The following DCC variants were observed in gnomAD, a reference collection of about 807,000 sequenced individuals.
DCC encodes DCC netrin 1 receptor, also known as netrin receptor DCC.
DCC carries 58 observed loss-of-function variants against 172.5 expected under a neutral mutation model. The ratio of observed to expected loss-of-function variants is 0.34; its 90% CI spans 0.27 to 0.42. The LOEUF (loss-of-function observed/expected upper bound fraction) is 0.42. DCC is among the 10% of genes least tolerant of loss of function. The pLI is 1.00. For synonymous variants in DCC, 709 were observed against 644.5 expected (o/e 1.10, Z -1.52); for missense variants, 1,740 against 1,791.0 (o/e 0.97, Z 0.51).
intron 1 of DCC, among the ~76,000 whole-genome samples, chr18:52,451,244 G>A (rs192985962): frequency 1.3e-5 from 2 of 152,210 alleles, no homozygotes; most frequent in East Asian, 1.9e-4. Context: ...TATATGAGCC[G>A]TATTCTTATT....
intron 7 of DCC, among the ~76,000 whole-genome samples, chr18:53,154,605 G>T (rs1387323530): frequency 1.3e-5 from 2 of 152,204 alleles, no homozygotes; most frequent in Non-Finnish European, 2.9e-5. Flanking sequence ...GGTAATTCCA[G>T]TTAGAGAGTG....
rs184041546 is a variant in DCC at position 53,366,262 on chromosome 18, G to T, written c.2360-19781G>T. 3.0e-4 allele frequency among the ~76,000 whole-genome samples: 45 copies of T among 152,108 alleles called. No homozygotes were observed. In the East Asian group the frequency reaches 8.2e-3, roughly 28 times the overall value. The stretch of plus-strand genomic sequence containing the variant: ...AGTAGAGACGGGGTTTCACCAGGTT[G>T]GTCTAGAACCCCTGACCTCAGGTGA... On this transcript the variant is annotated intron_variant, in intron 15 of 28. Coordinates refer to ENST00000442544, the MANE Select transcript of DCC (RefSeq NM_005215.4).
At chr18:52,403,312 A>AGCAGAGAT (rs1191850515) in intron 1 of DCC, among the ~76,000 whole-genome samples, 1 of 152,020 alleles carries the variant, frequency 6.6e-6, no homozygotes, top group Non-Finnish European at 1.5e-5. Flanking sequence ...CTATAAGGGA[A>AGCAGAGAT]GCAGAGATAA....
At chr18:52,588,684 A>G (rs115020595) in intron 1 of DCC, among the ~76,000 whole-genome samples, 1,677 of 152,220 alleles carry the variant, frequency 0.011, 29 homozygotes, top group African/African-American at 0.038. Context: ...TTTGGGGGAG[A>G]AAAGATGCCC....
intron 15 of DCC, among the ~76,000 whole-genome samples, chr18:53,342,564 A>G (rs928389806): frequency 6.6e-6 from 1 of 151,212 alleles, no homozygotes; most frequent in Admixed American, 6.6e-5. Flanking sequence ...TTAAAAGAGC[A>G]TTATTGAGGT....
chr18:52,932,070 G>A (rs774527729), intron 5 of DCC: 16 of 152,086 alleles, frequency 1.1e-4, no homozygotes, highest in Non-Finnish European at 1.8e-4. Flanking sequence ...GAGTCCTAAA[G>A]AAGAAAATGT....
intron 2 of DCC, among the ~76,000 whole-genome samples, chr18:52,757,994 A>T (rs1033249422): frequency 6.6e-6 from 1 of 152,190 alleles, no homozygotes; most frequent in Non-Finnish European, 1.5e-5. Context: ...TTTTTAATCA[A>T]TGAAACTCTC....
At chr18:53,227,767 C>A (rs957522907) in intron 12 of DCC, among the ~76,000 whole-genome samples, 33 of 151,898 alleles carry the variant, frequency 2.2e-4, no homozygotes, top group African/African-American at 6.5e-4. Context: ...ATTTCACTTT[C>A]TTTTTTTTGT....
At chr18:53,413,123 G>A (rs923230589) in intron 20 of DCC, among the ~76,000 whole-genome samples, 10 of 152,088 alleles carry the variant, frequency 6.6e-5, no homozygotes, top group African/African-American at 1.9e-4. Flanking sequence ...CTGGCCTATC[G>A]GGTAATAGAG....
intron 1 of DCC, among the ~76,000 whole-genome samples, chr18:52,520,828 AG>A (rs2031789974): frequency 1.3e-5 from 2 of 152,134 alleles, no homozygotes; most frequent in Admixed American, 1.3e-4. Flanking sequence ...TTACAATAAT[AG>A]TTTGTGTTTT....
chr18:52,833,475 T>C (rs936201980), intron 2 of DCC, among the ~76,000 whole-genome samples: 3 of 151,938 alleles, frequency 2.0e-5, no homozygotes, highest in South Asian at 4.1e-4. Flanking sequence ...ACATTGAGTA[T>C]TTTTTTTCTT....
chr18:52,814,273 G>A (rs546791693), intron 2 of DCC, among the ~76,000 whole-genome samples: 1 of 152,290 alleles, frequency 6.6e-6, no homozygotes, highest in African/African-American at 2.4e-5. Context: ...CAGCCAGTCT[G>A]GAGTGGGATA....
At chr18:52,804,301 G>T (rs975953408) in intron 2 of DCC, among the ~76,000 whole-genome samples, 1 of 152,112 alleles carries the variant, frequency 6.6e-6, no homozygotes, top group Non-Finnish European at 1.5e-5. Context: ...GGCTTAGAGA[G>T]TACATAAATT....
rs949445774 is a variant in DCC, at chr18:53,194,887, A to G, written c.1574-10329A>G. 2.6e-5 allele frequency among the ~76,000 whole-genome samples: 4 copies of G among 152,350 alleles called. No homozygotes were observed. In the East Asian group the frequency reaches 7.7e-4, roughly 29 times the overall value. On this transcript the variant is annotated intron_variant, in intron 9 of 28. Transcript: ENST00000442544. ...ATACATAATCTCTTCATGTTCTTCT[A>G]ACAATACTGACAGTTAAGAAGATTA...
At chr18:52,519,387 A>G (rs1473106910) in intron 1 of DCC, among the ~76,000 whole-genome samples, 2 of 151,654 alleles carry the variant, frequency 1.3e-5, no homozygotes, top group East Asian at 3.9e-4. Context: ...AAAGAAGCTG[A>G]TGGGAGAAAT....
At position 52,478,118 on chromosome 18, in the gene DCC, A is replaced by G. The variant is rs540626203; in HGVS notation, c.91+137240A>G. On this transcript the variant is annotated intron_variant, in intron 1 of 28. Transcript: ENST00000442544. ...AGCCACCAGGTCCGGTCCCTGGTCT[A>G]TATGTATATCCTGGGTTACAATCCT... 3.0e-4 allele frequency among the ~76,000 whole-genome samples: 46 copies of G among 152,210 alleles called. No individual in the cohort carries two copies. In the South Asian group the frequency reaches 9.1e-3, roughly 30 times the overall value.
chr18:52,544,349 C>T (rs1568221412), intron 1 of DCC, among the ~76,000 whole-genome samples: 1 of 152,178 alleles, frequency 6.6e-6, no homozygotes, highest in Non-Finnish European at 1.5e-5. Context: ...AATATTTTGA[C>T]ACCAGCCAAG....
chr18:53,057,450 G>A (rs944944770), intron 5 of DCC, among the ~76,000 whole-genome samples: 2 of 151,938 alleles, frequency 1.3e-5, no homozygotes, highest in Non-Finnish European at 2.9e-5. Context: ...TCACTTATTA[G>A]TTTTGGTTGG....
chr18:53,045,783 G>A (rs1432552877), intron 5 of DCC, among the ~76,000 whole-genome samples: 7 of 151,722 alleles, frequency 4.6e-5, no homozygotes, highest in Admixed American at 2.0e-4. Flanking sequence ...AGTTCTTCCC[G>A]ACTAAAATAA....
Sources: allele counts gnomAD v4.1 joint callset (sites outside exome capture counted in the v4.1 genomes callset), GRCh38; gene constraint gnomAD v4.1.1; transcripts MANE v1.5; gene names NCBI Gene and HGNC (gene_info 2026-07-23, HGNC 2026-07-21).